The following NF2 variants were observed in gnomAD, a reference collection of about 807,000 sequenced individuals.
The protein encoded by NF2 is merlin.
NF2 carries 8 observed loss-of-function variants against 83.7 expected under a neutral mutation model. That is an observed-to-expected ratio of 0.10 (90% CI 0.06 to 0.17). The LOEUF is 0.17. Among genes scored for constraint, NF2 ranks in the 10% least tolerant of loss-of-function variants. The pLI is 1.00. For synonymous variants in NF2, 266 were observed against 269.6 expected, an observed-to-expected ratio of 0.99 and a Z score of 0.13; for missense variants, 533 against 744.4, an observed-to-expected ratio of 0.72 and a Z score of 3.31.
At position 29,675,036 on chromosome 22, in the gene NF2, G is replaced by A. The variant is rs2066919487; in HGVS notation, c.1446+95G>A. The A allele has an allele frequency of 2.9e-6, 3 of 1,029,994 alleles. No individual in the cohort carries two copies. In the East Asian group the frequency reaches 7.8e-5, roughly 27 times the overall value. The allele number at this position is 1,029,994 out of a possible 1,614,324, so 63.8% of individuals were successfully genotyped here. On this transcript the variant is annotated intron_variant, in intron 13 of 15. Coordinates refer to ENST00000338641, the MANE Select transcript of NF2 (RefSeq NM_000268.4). ...GTTCATCTGGCGGTGCCTTCAGGGT[G>A]ACCATTCAGGCAAACACATGGCTGG... is the stretch of plus-strand genomic sequence containing the variant.
At position 29,636,963 on chromosome 22, in the gene NF2, G is replaced by A. The variant is rs188928432; in HGVS notation, c.240+87G>A. 14 of 1,578,042 alleles carry A rather than the reference G, an allele frequency of 8.9e-6. No individual in the cohort carries two copies. Among genetic ancestry groups the A allele is most frequent in the South Asian group, 5.5e-5 (5 of 90,128 alleles). On this transcript the variant is annotated intron_variant, in intron 2 of 15. Coordinates refer to ENST00000338641, the MANE Select transcript of NF2 (RefSeq NM_000268.4). The surrounding 1 kb of genome is among the most constrained non-coding windows in gnomAD (Gnocchi z 4.4). The stretch of plus-strand genomic sequence containing the variant: ...CAGGCGCCTAGCTCATCACTGGGGC[G>A]CTGTAGCTGTATAGTAGAGAAGGGG...
intron 14 of NF2, among the ~76,000 whole-genome samples, chr22:29,679,297 C>A (rs560004023): frequency 6.4e-4 from 98 of 152,102 alleles, no homozygotes; most frequent in Non-Finnish European, 1.3e-3. Context: ...TCCATGGAGT[C>A]CAGTATGGGC....
chr22:29,604,255 A>G, intron 1 of NF2, 143 bp downstream of exon 1: 1 of 698,924 alleles, frequency 1.4e-6, no homozygotes, highest in Non-Finnish European at 2.6e-6. Context: ...GTTAAAGATG[A>G]TTGCTGCTTT....
At position 29,674,823 on chromosome 22, in the gene NF2, C is replaced by T. The variant is rs2147091726; in HGVS notation, c.1341-13C>T. ...CTCTTCTGTGAAGCTGACATCTCAT[C>T]CTTTCCTTGCAGGGCCAAAGAGGCA... On this transcript the variant is annotated splice_polypyrimidine_tract_variant and intron_variant, in intron 12 of 15. Coordinates refer to ENST00000338641, the MANE Select transcript of NF2 (RefSeq NM_000268.4). 1 of 1,552,404 alleles carries T rather than the reference C, an allele frequency of 6.4e-7. No individual in the cohort carries two copies. Among genetic ancestry groups the T allele is most frequent in the Non-Finnish European group, 8.7e-7 (1 of 1,147,076 alleles).
chr22:29,651,563 T>G (rs1407535555), intron 4 of NF2, among the ~76,000 whole-genome samples: 1 of 152,224 alleles, frequency 6.6e-6, no homozygotes, highest in African/African-American at 2.4e-5. Context: ...GTGGTATGAC[T>G]TTCTTTTGTA....
chr22:29,689,203 GAAAGT>G (rs922695663), intron 15 of NF2, among the ~76,000 whole-genome samples: 2 of 135,400 alleles, frequency 1.5e-5, no homozygotes, highest in Non-Finnish European at 3.2e-5. Flanking sequence ...AAAAAAAAGA[GAAAGT>G]AAAGAAAAGC....
rs184989241 is a variant in NF2 at position 29,636,281 on chromosome 22, A to G, written c.115-470A>G. ...ACTTTGATTATGATTTCTTTATATT[A>G]AAAAAAAACTTGTAGTAAAACCAGT... On this transcript the variant is annotated intron_variant, in intron 1 of 15. Coordinates refer to ENST00000338641, the MANE Select transcript of NF2 (RefSeq NM_000268.4). The surrounding 1 kb of genome is among the most constrained non-coding windows in gnomAD (Gnocchi z 4.4). Among the ~76,000 whole-genome samples, 33 of 151,600 alleles carry G rather than the reference A, an allele frequency of 2.2e-4. No individual in the cohort carries two copies. The highest frequency in any genetic ancestry group is 6.1e-4 in the African/African-American group (25 of 41,258).
intron 3 of NF2, among the ~76,000 whole-genome samples, chr22:29,640,217 AAAG>A (rs2065769842): frequency 6.6e-6 from 1 of 150,778 alleles, no homozygotes; most frequent in Non-Finnish European, 1.5e-5. Context: ...AAAAAAAAAA[AAAG>A]AGGACTTCAG....
At chr22:29,622,804 C>T (rs1448468650) in intron 1 of NF2, among the ~76,000 whole-genome samples, 3 of 151,486 alleles carry the variant, frequency 2.0e-5, no homozygotes, top group Admixed American at 6.6e-5. Flanking sequence ...TATGGGTGTG[C>T]ACCACCACAC....
intron 1 of NF2, among the ~76,000 whole-genome samples, chr22:29,628,691 C>T (rs1439824105): frequency 2.2e-5 from 3 of 137,452 alleles, no homozygotes; most frequent in South Asian, 2.3e-4. Context: ...AGTGCAGTGG[C>T]GTGATCTTGG....
chr22:29,678,723 T>A (rs1207289979), intron 14 of NF2, among the ~76,000 whole-genome samples: 2 of 152,190 alleles, frequency 1.3e-5, no homozygotes, highest in African/African-American at 2.4e-5. Context: ...GTGGTTCCCA[T>A]GTCTAGAACA....
chr22:29,611,294 G>A (rs1792777523), intron 1 of NF2, among the ~76,000 whole-genome samples: 1 of 152,152 alleles, frequency 6.6e-6, no homozygotes, highest in Non-Finnish European at 1.5e-5. Context: ...GGCCAAGGTT[G>A]GAGGGATCAC....
chr22:29,615,527 C>G (rs551392257), intron 1 of NF2, among the ~76,000 whole-genome samples: 1 of 152,272 alleles, frequency 6.6e-6, no homozygotes, highest in East Asian at 1.9e-4. Flanking sequence ...CATGACTGCA[C>G]CACTGCACCT....
intron 1 of NF2, among the ~76,000 whole-genome samples, chr22:29,604,734 G>GT (rs776739150): frequency 1.9e-4 from 29 of 152,290 alleles, no homozygotes; most frequent in Admixed American, 4.6e-4. Flanking sequence ...AGTAATTTAA[G>GT]TTCTTGCTGC....
intron 1 of NF2, among the ~76,000 whole-genome samples, chr22:29,632,895 G>A (rs899632784): frequency 1.3e-5 from 2 of 152,220 alleles, no homozygotes; most frequent in African/African-American, 4.8e-5. Context: ...TAGTGGATGA[G>A]TGATGACACT....
Position 29,698,230 on chromosome 22 carries a change from G to T in NF2, c.*3428G>T. 4.3e-6 allele frequency: 1 copy of T among 231,304 alleles called. No individual in the cohort carries two copies. Among genetic ancestry groups the T allele is most frequent in the East Asian group, 6.1e-5 (1 of 16,492 alleles). 14.3% of individuals were successfully genotyped at this position (231,304 alleles called of 1,614,324 possible). ...CCCGTGGCATTACATAACACTTCAT[G>T]AGTGGCTGTGTCTTGTAATTTTGGG... On this transcript the variant is annotated 3_prime_UTR_variant, in exon 16 of 16. Transcript: ENST00000338641.
chr22:29,632,471 T>C (rs2065540916), intron 1 of NF2, among the ~76,000 whole-genome samples: 2 of 152,222 alleles, frequency 1.3e-5, no homozygotes, highest in Admixed American at 1.3e-4. Flanking sequence ...GTTATAGTGC[T>C]GAAAGCCCAC....
intron 9 of NF2, among the ~76,000 whole-genome samples, chr22:29,667,884 C>CT (rs151322373): frequency 0.073 from 11,156 of 152,192 alleles, 436 homozygotes; most frequent in African/African-American, 0.081. Context: ...GTTTCAAGGG[C>CT]TTAATCTTTG....
intron 1 of NF2, among the ~76,000 whole-genome samples, chr22:29,623,178 C>T (rs1367367987): frequency 1.3e-5 from 2 of 151,934 alleles, no homozygotes; most frequent in Non-Finnish European, 2.9e-5. Context: ...CTTCTGGGCT[C>T]AAGCGATCCT....
Sources: allele counts gnomAD v4.1 joint callset (sites outside exome capture counted in the v4.1 genomes callset), GRCh38; gene constraint gnomAD v4.1.1; non-coding constraint Gnocchi (gnomAD v3.1); transcripts MANE v1.5; gene names NCBI Gene and HGNC (gene_info 2026-07-23, HGNC 2026-07-21).